MCC: variants seen among roughly 807,000 people sequenced by gnomAD.
MCC encodes the protein MCC regulator of Wnt signaling pathway.
A neutral mutation model predicts 116.2 loss-of-function variants in MCC; 90 were observed. The ratio of observed to expected loss-of-function variants is 0.77; its 90% CI spans 0.65 to 0.92. The LOEUF is 0.92. MCC is among the 40% of genes least tolerant of loss of function. The pLI is 0.00. For missense variants in MCC, 1,516 were observed against 1,312.2 expected (o/e 1.16, Z -2.40); for synonymous variants, 578 against 510.5 (o/e 1.13, Z -1.78).
chr5:113,293,991 G>A (rs1298995117), intron 3 of MCC, among the ~76,000 whole-genome samples: 1 of 152,178 alleles, frequency 6.6e-6, no homozygotes, highest in Admixed American at 6.5e-5. Flanking sequence ...TTACCGATCA[G>A]GGAAATAAAA....
chr5:113,297,856 A>C lies in MCC; in HGVS notation c.627+42663T>G, dbSNP rs546313788. ...GAGAAAACAGGAGAGCTTAAAAACA[A>C]CTTGTAGATCTAGAACTTGGCTGAT... is the stretch of plus-strand genomic sequence containing the variant. On this transcript the variant is annotated intron_variant, in intron 3 of 18. Transcript: ENST00000408903. Among the ~76,000 whole-genome samples, 4 of 152,150 alleles carry C rather than the reference A, an allele frequency of 2.6e-5. No homozygotes were observed. The South Asian group carries it at 8.3e-4, about 32-fold the overall frequency.
chr5:113,304,960 T>C (rs1363194691), intron 3 of MCC, among the ~76,000 whole-genome samples: 3 of 152,100 alleles, frequency 2.0e-5, no homozygotes, highest in Non-Finnish European at 2.9e-5. Flanking sequence ...ACAGCATCAT[T>C]CCATTACTGT....
intron 11 of MCC, among the ~76,000 whole-genome samples, chr5:113,075,902 C>T (rs866441863): frequency 1.3e-5 from 2 of 152,174 alleles, no homozygotes; most frequent in Admixed American, 6.5e-5. Context: ...CACGATACCA[C>T]CAGAAGGAAC....
intron 3 of MCC, among the ~76,000 whole-genome samples, chr5:113,291,755 C>T (rs1766503541): frequency 6.6e-6 from 1 of 152,100 alleles, no homozygotes; most frequent in Admixed American, 6.5e-5. Context: ...TAAGCGAAAA[C>T]TAGTGTTTAA....
intron 1 of MCC, among the ~76,000 whole-genome samples, chr5:113,445,955 AG>A (rs1771203987): frequency 6.6e-6 from 1 of 152,222 alleles, no homozygotes; most frequent in African/African-American, 2.4e-5. Context: ...GCACATCAAC[AG>A]TCGTCTAATT....
chr5:113,143,402 G>A, intron 4 of MCC, 42 bp from the exon 5 acceptor site: 1 of 1,601,044 alleles, frequency 6.2e-7, no homozygotes, highest in Middle Eastern at 1.7e-4. Flanking sequence ...ATGAATTCAT[G>A]CACCTACAGG....
rs1165135956 is a variant in MCC, at chr5:113,445,810, G to A, written c.170+42435C>T. ...TAGCCAAAGCATTCCTAAGCAAAAA[G>A]AAGAAAGCTAGAGGCATCACATTAC... On this transcript the variant is annotated intron_variant, in intron 1 of 18. Coordinates refer to ENST00000408903, the MANE Select transcript of MCC (RefSeq NM_001085377.2). Among the ~76,000 whole-genome samples, 5 of 152,098 alleles carry A rather than the reference G, an allele frequency of 3.3e-5. No individual in the cohort carries two copies. In the East Asian group the frequency reaches 9.6e-4, roughly 29 times the overall value.
intron 3 of MCC, among the ~76,000 whole-genome samples, chr5:113,181,183 T>C (rs1037433761): frequency 3.9e-5 from 6 of 152,186 alleles, no homozygotes; most frequent in Admixed American, 6.5e-5. Context: ...GAAGCTTTGA[T>C]TTTCAAAAAG....
intron 13 of MCC, 133 bp downstream of exon 13, chr5:113,067,947 A>T (rs559584560): frequency 1.4e-6 from 1 of 713,644 alleles, no homozygotes; most frequent in East Asian, 2.6e-5. Flanking sequence ...AGTCATGAGG[A>T]AAAACGAAAA....
chr5:113,405,023 T>A (rs1457765697), intron 1 of MCC, among the ~76,000 whole-genome samples: 1 of 152,242 alleles, frequency 6.6e-6, no homozygotes, highest in Admixed American at 6.5e-5. Context: ...CTAACCTTTT[T>A]GAACACATTT....
chr5:113,468,520 C>T (rs1771980232), intron 1 of MCC, among the ~76,000 whole-genome samples: 1 of 152,166 alleles, frequency 6.6e-6, no homozygotes, highest in South Asian at 2.1e-4. Flanking sequence ...CCTTGCATCC[C>T]AGGGATGAAG....
intron 1 of MCC, among the ~76,000 whole-genome samples, chr5:113,388,617 G>T (rs10053654): frequency 1.3e-5 from 2 of 151,972 alleles, no homozygotes; most frequent in African/African-American, 4.8e-5. Context: ...TGACATGCTG[G>T]TTCCCCTTTG....
At chr5:113,322,729 C>G (rs1217296599) in intron 3 of MCC, among the ~76,000 whole-genome samples, 5 of 152,146 alleles carry the variant, frequency 3.3e-5, no homozygotes, top group Non-Finnish European at 7.3e-5. Context: ...AGGCACTGGG[C>G]TGGGTACAGA....
chr5:113,039,260 C>T (rs183902405), intron 17 of MCC, among the ~76,000 whole-genome samples: 1 of 152,278 alleles, frequency 6.6e-6, no homozygotes, highest in Non-Finnish European at 1.5e-5. Flanking sequence ...CTATGTTGCC[C>T]AGGCTGGATT....
intron 3 of MCC, among the ~76,000 whole-genome samples, chr5:113,238,662 T>C (rs75855958): frequency 0.036 from 5,435 of 152,258 alleles, 110 homozygotes; most frequent in Non-Finnish European, 0.046. Context: ...TAGAAAAAAA[T>C]GTCAGCACAT....
chr5:113,349,892 C>A (rs771813548), intron 2 of MCC, among the ~76,000 whole-genome samples: 2 of 151,858 alleles, frequency 1.3e-5, no homozygotes, highest in Non-Finnish European at 2.9e-5. Flanking sequence ...TTTCTATATG[C>A]CAATAGTGAA....
intron 1 of MCC, among the ~76,000 whole-genome samples, chr5:113,452,269 G>A (rs934106864): frequency 6.6e-6 from 1 of 152,224 alleles, no homozygotes; most frequent in Non-Finnish European, 1.5e-5. Flanking sequence ...GAAGCCACAT[G>A]CATATATAGG....
At chr5:113,374,223 T>TG (rs1190202289) in intron 2 of MCC, among the ~76,000 whole-genome samples, 4 of 151,888 alleles carry the variant, frequency 2.6e-5, no homozygotes, top group African/African-American at 9.7e-5. Flanking sequence ...TTTTGTTTTT[T>TG]TTTTTAATAG....
intron 1 of MCC, among the ~76,000 whole-genome samples, chr5:113,417,043 C>T (rs1770171200): frequency 6.8e-6 from 1 of 146,960 alleles, no homozygotes; most frequent in African/African-American, 2.6e-5. Context: ...GATCTCGGCT[C>T]ACTGCAACCT....
Sources: allele counts gnomAD v4.1 joint callset (sites outside exome capture counted in the v4.1 genomes callset), GRCh38; gene constraint gnomAD v4.1.1; transcripts MANE v1.5; gene names NCBI Gene and HGNC (gene_info 2026-07-23, HGNC 2026-07-21).